LEMD3: variants seen among roughly 807,000 people sequenced by gnomAD.
LEMD3 encodes inner nuclear membrane protein Man1.
In LEMD3, 33 loss-of-function variants were observed where a neutral mutation model predicts 95.2. The observed-to-expected ratio is 0.35, with a 90% CI of 0.26 to 0.46. LEMD3 has a LOEUF of 0.46. Ranked by LOEUF, LEMD3 falls within the 20% of genes least tolerant of loss-of-function variation. LEMD3 has a pLI of 1.00. For missense variants in LEMD3, 1,210 were observed against 1,192.8 expected (o/e 1.01, Z -0.21); for synonymous variants, 525 against 474.6 (o/e 1.11, Z -1.38).
At chr12:65,233,182 G>T (rs1311668568) in intron 4 of LEMD3, among the ~76,000 whole-genome samples, 6 of 152,142 alleles carry the variant, frequency 3.9e-5, no homozygotes, top group African/African-American at 2.4e-5. Flanking sequence ...CAGCTACTAT[G>T]TGATGGAACT....
At chr12:65,178,144 C>T (rs1399626492) in intron 1 of LEMD3, among the ~76,000 whole-genome samples, 3 of 151,796 alleles carry the variant, frequency 2.0e-5, no homozygotes, top group Non-Finnish European at 4.4e-5. Context: ...TAGCAGCCGG[C>T]CTATTCTCTC....
chr12:65,245,398 C>A, intron 10 of LEMD3: 1 of 383,590 alleles, frequency 2.6e-6, no homozygotes, highest in Admixed American at 4.1e-5. Flanking sequence ...CTCGGCCTCT[C>A]AAAGTGCTGG....
intron 1 of LEMD3, among the ~76,000 whole-genome samples, chr12:65,189,886 G>A (rs1040709798): frequency 6.6e-6 from 1 of 152,048 alleles, no homozygotes; most frequent in African/African-American, 2.4e-5. Context: ...AGTAGACTTT[G>A]CCCGTAATAC....
rs753840503 is a variant in LEMD3 at position 65,246,330 on chromosome 12, A to G, written c.*5A>G. The G allele has an allele frequency of 2.1e-5, 33 of 1,607,274 alleles. No individual in the cohort carries two copies. Among genetic ancestry groups the G allele is most frequent in the Non-Finnish European group, 1.7e-5 (20 of 1,174,766 alleles). On this transcript the variant is annotated 3_prime_UTR_variant, in exon 13 of 13. Transcript: ENST00000308330. ...AATTCTCAAGGAAGTTCCTGAAAAG[A>G]TTTTCTTCCATTTCTAAGACTGTTA...
intron 1 of LEMD3, among the ~76,000 whole-genome samples, chr12:65,184,403 A>G (rs2136320926): frequency 6.6e-6 from 1 of 152,292 alleles, no homozygotes; most frequent in African/African-American, 2.4e-5. Context: ...ACCACATCCT[A>G]TTTTAGCACT....
rs570996446 is a variant in LEMD3 at position 65,182,427 on chromosome 12, A to C, written c.1522+11309A>C. ...TAAGATAGGACTTAACAGCTATAGT[A>C]GTTTAAGCAACACATGTTCAGCATT... On this transcript the variant is annotated intron_variant, in intron 1 of 12. Transcript: ENST00000308330. Among the ~76,000 whole-genome samples the C allele has an allele frequency of 2.0e-5, 3 of 152,296 alleles. No homozygotes were observed. In the South Asian group the frequency reaches 6.2e-4, roughly 32 times the overall value.
chr12:65,170,490 T>A lies in LEMD3; in HGVS notation c.894T>A (p.Thr298=). 6.2e-7 allele frequency: 1 copy of A among 1,612,848 alleles called. No homozygotes were observed. Among genetic ancestry groups the A allele is most frequent in the East Asian group, 2.2e-5 (1 of 44,698 alleles). The change falls in exon 1 of 13, where the codon ACT becomes ACA. Residue 298 remains threonine, a synonymous_variant. Coordinates refer to ENST00000308330, the MANE Select transcript of LEMD3 (RefSeq NM_014319.5). The part of the protein sequence containing the change: ...RTHSKPLPPL[T]AKSAGGRLET... ...ATAGTAAGCCTCTCCCCCCGCTGACTGCTAAATCGGCCGGCGGCAGGCTGG... is the reference window on the plus strand; with the variant it reads ...ATAGTAAGCCTCTCCCCCCGCTGACAGCTAAATCGGCCGGCGGCAGGCTGG...
chr12:65,234,324 C>T (rs957858315), intron 4 of LEMD3, among the ~76,000 whole-genome samples: 1 of 152,160 alleles, frequency 6.6e-6, no homozygotes, highest in African/African-American at 2.4e-5. Flanking sequence ...CAACCCCTGC[C>T]GTGCCCACAG....
At chr12:65,221,140 G>A (rs1236731304) in intron 4 of LEMD3, among the ~76,000 whole-genome samples, 2 of 148,696 alleles carry the variant, frequency 1.3e-5, no homozygotes, top group Non-Finnish European at 3.0e-5. Flanking sequence ...ACGAACATGA[G>A]ATGTCTTTCT....
chr12:65,228,297 A>C (rs547505620), intron 4 of LEMD3, among the ~76,000 whole-genome samples: 2 of 152,298 alleles, frequency 1.3e-5, no homozygotes, highest in South Asian at 4.1e-4. Flanking sequence ...GCACTCTTGC[A>C]TGAGTTAAAT....
chr12:65,181,792 T>A (rs1312412210), intron 1 of LEMD3, among the ~76,000 whole-genome samples: 3 of 152,090 alleles, frequency 2.0e-5, no homozygotes, highest in African/African-American at 7.2e-5. Flanking sequence ...GGAAGAGACA[T>A]GAAGAATGAA....
intron 2 of LEMD3, 93 bp downstream of exon 2, chr12:65,211,056 A>G: frequency 1.0e-6 from 1 of 963,904 alleles, no homozygotes; most frequent in Non-Finnish European, 1.7e-6. Flanking sequence ...AGTAATTTTA[A>G]AGTTATTTTA....
chr12:65,171,470 A>T (rs1295236877), intron 1 of LEMD3: 2 of 301,876 alleles, frequency 6.6e-6, no homozygotes, highest in African/African-American at 4.3e-5. Context: ...AAGTATTAGG[A>T]TAAGGCACAT....
At chr12:65,181,719 C>T (rs1050349802) in intron 1 of LEMD3, among the ~76,000 whole-genome samples, 1 of 151,904 alleles carries the variant, frequency 6.6e-6, no homozygotes, top group Non-Finnish European at 1.5e-5. Flanking sequence ...CTTTAAAAAC[C>T]ACACAATTTT....
intron 8 of LEMD3, chr12:65,240,565 T>C (rs1234555695): frequency 4.9e-6 from 2 of 408,752 alleles, no homozygotes; most frequent in African/African-American, 2.0e-5. Flanking sequence ...ACTAATGTTT[T>C]TTAAGTACTA....
intron 1 of LEMD3, among the ~76,000 whole-genome samples, chr12:65,180,874 C>T (rs530693626): frequency 5.9e-5 from 9 of 152,206 alleles, no homozygotes; most frequent in African/African-American, 2.2e-4. Context: ...TGCTGTTCTG[C>T]CCTGAATATG....
intron 1 of LEMD3, among the ~76,000 whole-genome samples, chr12:65,175,220 G>T (rs571386395): frequency 9.3e-4 from 141 of 152,272 alleles, no homozygotes; most frequent in Non-Finnish European, 1.6e-3. Context: ...TACATATTCT[G>T]CAACTTGTTT....
chr12:65,198,053 A>C (rs755955153), intron 1 of LEMD3, among the ~76,000 whole-genome samples: 5 of 152,252 alleles, frequency 3.3e-5, no homozygotes, highest in Admixed American at 3.3e-4. Context: ...CACATCTCCA[A>C]ATGATGTGCA....
chr12:65,230,329 G>A (rs1050804001), intron 4 of LEMD3, among the ~76,000 whole-genome samples: 1 of 152,128 alleles, frequency 6.6e-6, no homozygotes, highest in African/African-American at 2.4e-5. Context: ...CTTATGTGAA[G>A]AATGTCAGTG....
Sources: gnomAD v4.1 joint callset for allele counts (sites outside exome capture counted in the v4.1 genomes callset) on GRCh38, gnomAD v4.1.1 for gene constraint, MANE v1.5 for transcripts, NCBI Gene and HGNC (gene_info 2026-07-23, HGNC 2026-07-21) for gene names.